ZNF385B: variants seen among roughly 807,000 people sequenced by gnomAD.
ZNF385B encodes the protein zinc finger protein 533.
Under a neutral mutation model 39.2 loss-of-function variants are expected in ZNF385B, and 23 were observed. The ratio of observed to expected loss-of-function variants is 0.59; its 90% CI spans 0.42 to 0.83. The LOEUF is 0.83. Among genes scored for constraint, ZNF385B ranks in the 40% least tolerant of loss-of-function variants. The pLI, the probability that ZNF385B is intolerant of heterozygous loss-of-function variation, is 0.00. For missense variants in ZNF385B, 552 were observed against 598.9 expected (o/e 0.92, Z 0.82); for synonymous variants, 205 against 222.6 (o/e 0.92, Z 0.70).
intron 4 of ZNF385B, among the ~76,000 whole-genome samples, chr2:179,524,551 C>CAAAAAAAAGAAA (rs1300764305): frequency 2.3e-4 from 14 of 60,992 alleles, no homozygotes; most frequent in South Asian, 9.3e-4. Flanking sequence ...GACTCCGTCT[C>CAAAAAAAAGAAA]AAAAAAAAAA....
chr2:179,647,801 C>T (rs920859755), intron 3 of ZNF385B, among the ~76,000 whole-genome samples: 1 of 152,158 alleles, frequency 6.6e-6, no homozygotes, highest in Non-Finnish European at 1.5e-5. Flanking sequence ...TGGTCTAAGC[C>T]ACTTTTTTTA....
At chr2:179,532,728 C>A (rs1400822) in intron 4 of ZNF385B, among the ~76,000 whole-genome samples, 96,859 of 151,950 alleles carry the variant, frequency 0.64, 31,421 homozygotes, top group Admixed American at 0.74. Context: ...CAACACAAGA[C>A]GCTGATATGC....
At chr2:179,453,647 A>G (rs2050378020) in intron 6 of ZNF385B, among the ~76,000 whole-genome samples, 1 of 152,180 alleles carries the variant, frequency 6.6e-6, no homozygotes, top group Non-Finnish European at 1.5e-5. Flanking sequence ...AGAAGAACCT[A>G]TAATCTCAGT....
chr2:179,620,446 G>A (rs1289203265), intron 3 of ZNF385B, among the ~76,000 whole-genome samples: 1 of 151,912 alleles, frequency 6.6e-6, no homozygotes, highest in African/African-American at 2.4e-5. Flanking sequence ...ATTAGTCATT[G>A]GTAATTATAA....
At chr2:179,808,863 A>G (rs1362723572) in intron 1 of ZNF385B, among the ~76,000 whole-genome samples, 1 of 152,250 alleles carries the variant, frequency 6.6e-6, no homozygotes, top group Non-Finnish European at 1.5e-5. Context: ...ACAGGAAAAT[A>G]AAGTCAGTGG....
At chr2:179,792,261 A>T (rs1380939228) in intron 1 of ZNF385B, among the ~76,000 whole-genome samples, 1 of 152,012 alleles carries the variant, frequency 6.6e-6, no homozygotes, top group Non-Finnish European at 1.5e-5. Flanking sequence ...CCACAACTCT[A>T]ATTATTTTTA....
chr2:179,792,746 G>A (rs1705421522), intron 1 of ZNF385B, among the ~76,000 whole-genome samples: 1 of 152,114 alleles, frequency 6.6e-6, no homozygotes, highest in Admixed American at 6.6e-5. Context: ...ACCTAATGCA[G>A]TTAGTACCTT....
At chr2:179,685,635 C>T (rs1697863447) in intron 3 of ZNF385B, among the ~76,000 whole-genome samples, 2 of 151,496 alleles carry the variant, frequency 1.3e-5, no homozygotes, top group South Asian at 4.2e-4. Context: ...CAATTTTTTA[C>T]TGCCTATTGA....
intron 1 of ZNF385B, among the ~76,000 whole-genome samples, chr2:179,812,629 C>T (rs1448367312): frequency 2.0e-5 from 3 of 151,894 alleles, no homozygotes; most frequent in East Asian, 3.9e-4. Flanking sequence ...CAATAAAAAC[C>T]GGCAACCACT....
chr2:179,746,313 G>A (rs1008200048), intron 3 of ZNF385B, among the ~76,000 whole-genome samples: 1 of 152,112 alleles, frequency 6.6e-6, no homozygotes, highest in Non-Finnish European at 1.5e-5. Flanking sequence ...ACTTATAAAG[G>A]CTGCATAAAT....
Position 179,503,982 on chromosome 2 carries a change from C to T in ZNF385B, c.552+14546G>A, listed in dbSNP as rs552108079. On this transcript the variant is annotated intron_variant, in intron 5 of 9. Transcript: ENST00000410066. ...TGCTGGTGCGCTGCACCCACTAACTCGTCATCTAGCATTAGGTATATCTCC... is the reference window on the plus strand; with the variant it reads ...TGCTGGTGCGCTGCACCCACTAACTTGTCATCTAGCATTAGGTATATCTCC... Among the ~76,000 whole-genome samples, 289 of 149,094 alleles carry T rather than the reference C, an allele frequency of 1.9e-3. 4 individuals carry two copies. In the East Asian group the frequency reaches 0.032, roughly 17 times the overall value.
chr2:179,536,128 C>T (rs925810045), intron 4 of ZNF385B, among the ~76,000 whole-genome samples: 2 of 152,030 alleles, frequency 1.3e-5, no homozygotes, highest in Non-Finnish European at 2.9e-5. Flanking sequence ...GGCTACCATA[C>T]CACAGAGACA....
chr2:179,789,661 C>G (rs535284472), intron 1 of ZNF385B, among the ~76,000 whole-genome samples: 1 of 152,268 alleles, frequency 6.6e-6, no homozygotes, highest in African/African-American at 2.4e-5. Context: ...CATCCAAATG[C>G]CTGCCTGGTG....
At chr2:179,728,009 A>G (rs960522015) in intron 3 of ZNF385B, among the ~76,000 whole-genome samples, 2 of 152,104 alleles carry the variant, frequency 1.3e-5, no homozygotes, top group Non-Finnish European at 2.9e-5. Context: ...GAACATCATA[A>G]TCACAAAAAA....
intron 3 of ZNF385B, among the ~76,000 whole-genome samples, chr2:179,620,318 A>G (rs1487271482): frequency 6.6e-6 from 1 of 152,194 alleles, no homozygotes; most frequent in Non-Finnish European, 1.5e-5. Flanking sequence ...ACCACTCTGC[A>G]GTGATACTCT....
At chr2:179,594,698 A>G (rs1687847853) in intron 3 of ZNF385B, among the ~76,000 whole-genome samples, 1 of 152,220 alleles carries the variant, frequency 6.6e-6, no homozygotes, top group Admixed American at 6.5e-5. Context: ...GCTCAGTGCC[A>G]AAACATGCTT....
At chr2:179,715,787 G>A (rs574285083) in intron 3 of ZNF385B, among the ~76,000 whole-genome samples, 1 of 151,962 alleles carries the variant, frequency 6.6e-6, no homozygotes, top group East Asian at 1.9e-4. Flanking sequence ...TAAATATTAA[G>A]TTTTACTTTA....
In ZNF385B at chr2:179,662,419, T is replaced by C. The variant is rs562281067; in HGVS notation, c.298+107084A>G. 3.3e-5 allele frequency among the ~76,000 whole-genome samples: 5 copies of C among 149,844 alleles called. No homozygotes were observed. In the South Asian group the frequency reaches 1.1e-3, roughly 32 times the overall value. ...TCTTGCCTCTAGAACTTTGAAACAA[T>C]ACATTTCTGTTGTTTAAGGCATTCA... On this transcript the variant is annotated intron_variant, in intron 3 of 9. Transcript: ENST00000410066.
chr2:179,731,116 T>C (rs1431770924), intron 3 of ZNF385B, among the ~76,000 whole-genome samples: 2 of 152,236 alleles, frequency 1.3e-5, no homozygotes, highest in Admixed American at 1.3e-4. Context: ...TATGTTCAGA[T>C]TTGGCTAGTA....
Sources: gnomAD v4.1 joint callset for allele counts (sites outside exome capture counted in the v4.1 genomes callset) on GRCh38, gnomAD v4.1.1 for gene constraint, MANE v1.5 for transcripts, NCBI Gene and HGNC (gene_info 2026-07-23, HGNC 2026-07-21) for gene names.